Variants in RPS10 observed in about 807,000 individuals in gnomAD.
The protein encoded by RPS10 is small ribosomal subunit protein eS10.
RPS10 carries 2 observed loss-of-function variants against 22.6 expected under a neutral mutation model. The observed-to-expected ratio is 0.09, with a 90% CI of 0.04 to 0.28. The LOEUF (loss-of-function observed/expected upper bound fraction) is 0.28. RPS10 is among the 10% of genes least tolerant of loss of function. The pLI is 1.00. For synonymous variants in RPS10, 70 were observed against 75.9 expected (o/e 0.92, Z 0.40); for missense variants, 137 against 222.2 (o/e 0.62, Z 2.44).
chr6:34,419,289 G>A (rs1765683283), intron 4 of RPS10, among the ~76,000 whole-genome samples: 1 of 152,066 alleles, frequency 6.6e-6, no homozygotes, highest in Non-Finnish European at 1.5e-5. Context: ...GCCTCCTGAA[G>A]TGTTGGGATT....
chr6:34,425,052 C>T lies in RPS10; in HGVS notation c.150+20G>A. 1 of 1,612,216 alleles carries T rather than the reference C, an allele frequency of 6.2e-7. No individual in the cohort carries two copies. Among genetic ancestry groups the T allele is most frequent in the Non-Finnish European group, 8.5e-7 (1 of 1,179,914 alleles). ...TCCCGGGGAGGAAGATCCATCCCAT[C>T]TTCCTCCTCACCCTCCTACCTGCAT... On this transcript the variant is annotated intron_variant, in intron 2 of 5. Transcript: ENST00000648437.
At chr6:34,421,404 G>C (rs1811968) in intron 4 of RPS10, among the ~76,000 whole-genome samples, 1 of 151,296 alleles carries the variant, frequency 6.6e-6, no homozygotes, top group Non-Finnish European at 1.5e-5. Context: ...GGCTGGTCTC[G>C]AACTCCTGAC....
At position 34,425,407 on chromosome 6, in the gene RPS10, G is replaced by A. The variant is rs1016557435; in HGVS notation, c.1-186C>T. The A allele has an allele frequency of 1.6e-5, 11 of 700,602 alleles. No homozygotes were observed. The South Asian group carries it at 1.6e-4, about 10-fold the overall frequency. The allele number at this position is 700,602 out of a possible 1,614,324, so 43.4% of individuals were successfully genotyped here. A position where few individuals can be genotyped will look rare whatever the true frequency, so the allele number is the denominator to read the frequency against. ...AGTCCCCACCCCCAAACACAATTCAGGTGGAAAAGTTGACAGTATGTTAAA... is the reference window on the plus strand; with the variant it reads ...AGTCCCCACCCCCAAACACAATTCAAGTGGAAAAGTTGACAGTATGTTAAA... On this transcript the variant is annotated intron_variant, in intron 1 of 5. Coordinates refer to ENST00000648437, the MANE Select transcript of RPS10 (RefSeq NM_001014.5).
intron 1 of RPS10, 70 bp downstream of exon 1, chr6:34,425,962 G>A (rs1281708618): frequency 6.5e-6 from 1 of 152,850 alleles, no homozygotes; most frequent in African/African-American, 2.4e-5. Flanking sequence ...ATCCTGGGGA[G>A]AAGCAGCCGC....
Position 34,425,067 on chromosome 6 carries a change from C to T in RPS10, c.150+5G>A, listed in dbSNP as rs776616832. 8.1e-6 allele frequency: 13 copies of T among 1,612,234 alleles called. No homozygotes were observed. Among genetic ancestry groups the T allele is most frequent in the Middle Eastern group, 4.3e-4 (2 of 4,670 alleles). On this transcript the variant is annotated splice_donor_5th_base_variant and intron_variant, in intron 2 of 5. Coordinates refer to ENST00000648437, the MANE Select transcript of RPS10 (RefSeq NM_001014.5). ...TCCATCCCATCTTCCTCCTCACCCT[C>T]CTACCTGCATGGCCTTCATGACATG...
At chr6:34,420,725 G>C (rs1032585582) in intron 4 of RPS10, among the ~76,000 whole-genome samples, 1 of 151,972 alleles carries the variant, frequency 6.6e-6, no homozygotes, top group African/African-American at 2.4e-5. Context: ...GACTTTATCC[G>C]GGTGGGCGCG....
chr6:34,418,388 G>A lies in RPS10; in HGVS notation c.437C>T (p.Ser146Leu), dbSNP rs368791535. 10 of 1,614,170 alleles carry A rather than the reference G, an allele frequency of 6.2e-6. No individual in the cohort carries two copies. In the African/African-American group the frequency reaches 1.3e-4, roughly 22 times the overall value. The change falls in exon 5 of 6, where the codon TCA becomes TTA. Residue 146 changes from serine to leucine, a missense_variant. Physicochemically the swap from Ser to Leu is moderately radical, Grantham distance 145. Transcript: ENST00000648437. Reference sequence around the variant, plus strand: ...ACTCACAAACTGGAATTCGGTTGCTGACCCAGCCCCAGCCTCGGCTTTCTT... The same window carrying A: ...ACTCACAAACTGGAATTCGGTTGCTAACCCAGCCCCAGCCTCGGCTTTCTT... ...ADKKAEAGAG[S>L]ATEFQFRGGF... is the part of the protein sequence containing the mutation.
chr6:34,419,009 G>A (rs1044655131), intron 4 of RPS10, among the ~76,000 whole-genome samples: 3 of 151,792 alleles, frequency 2.0e-5, no homozygotes, highest in African/African-American at 4.9e-5. Flanking sequence ...ACTACAGGCA[G>A]CTAATTTTTA....
intron 3 of RPS10, among the ~76,000 whole-genome samples, chr6:34,422,659 A>G (rs1438533244): frequency 6.8e-6 from 1 of 147,844 alleles, no homozygotes; most frequent in Non-Finnish European, 1.5e-5. Flanking sequence ...GGGTTTTACC[A>G]TGTTAGACAG....
intron 4 of RPS10, among the ~76,000 whole-genome samples, chr6:34,420,757 A>G (rs1765733338): frequency 1.3e-5 from 2 of 152,060 alleles, no homozygotes; most frequent in African/African-American, 2.4e-5. Flanking sequence ...CTGTAATCCC[A>G]GCACTTTGGC....
At chr6:34,421,546 A>G (rs1482734736) in intron 4 of RPS10, among the ~76,000 whole-genome samples, 184 bp downstream of exon 4, 1 of 152,088 alleles carries the variant, frequency 6.6e-6, no homozygotes, top group East Asian at 1.9e-4. Flanking sequence ...CATCTATGAA[A>G]TCACTGCATG....
At chr6:34,418,289 C>T in intron 5 of RPS10, 80 bp downstream of exon 5, 2 of 1,609,646 alleles carry the variant, frequency 1.2e-6, no homozygotes, top group South Asian at 1.1e-5. Context: ...TACTATATGA[C>T]ATCCCCACAA....
At chr6:34,421,427 G>A (rs1211480807) in intron 4 of RPS10, among the ~76,000 whole-genome samples, 2 of 149,476 alleles carry the variant, frequency 1.3e-5, no homozygotes, top group Non-Finnish European at 3.0e-5. Context: ...CAAGTAATCT[G>A]CCCACTTCGA....
intron 3 of RPS10, among the ~76,000 whole-genome samples, chr6:34,422,309 CTTTATTA>C (rs772698693): frequency 3.1e-4 from 47 of 152,200 alleles, no homozygotes; most frequent in African/African-American, 5.5e-4. Context: ...AAGGCAGAAA[CTTTATTA>C]TTTATTATCT....
intron 1 of RPS10, 99 bp downstream of exon 1, chr6:34,425,931 GGA>G (rs1765947017): frequency 6.5e-6 from 1 of 152,858 alleles, no homozygotes; most frequent in African/African-American, 2.4e-5. Context: ...GTGGGGAGTG[GGA>G]GAGAGGCCCC....
intron 3 of RPS10, 92 bp downstream of exon 3, chr6:34,424,577 C>T (rs551758620): frequency 6.5e-7 from 1 of 1,545,696 alleles, no homozygotes; most frequent in East Asian, 2.4e-5. Flanking sequence ...GGCCAGAGCC[C>T]TCTAAAGCTG....
In RPS10 at chr6:34,420,671, C is replaced by G. The variant is rs571927602; in HGVS notation, c.400+1059G>C. Among the ~76,000 whole-genome samples, 5 of 152,220 alleles carry G rather than the reference C, an allele frequency of 3.3e-5. No individual in the cohort carries two copies. In the South Asian group the frequency reaches 1.0e-3, roughly 32 times the overall value. ...TAAGAGTGGTAGAAGTTAGTAAAAA[C>G]TCTTCTTGTACACCTTGCTTTTGTA... On this transcript the variant is annotated intron_variant, in intron 4 of 5. Transcript: ENST00000648437.
At chr6:34,424,004 A>C (rs535806795) in intron 3 of RPS10, among the ~76,000 whole-genome samples, 1 of 151,890 alleles carries the variant, frequency 6.6e-6, no homozygotes, top group East Asian at 1.9e-4. Context: ...GAATCTGCGC[A>C]TTTTTTCACC....
chr6:34,423,811 G>T (rs116737416), intron 3 of RPS10, among the ~76,000 whole-genome samples: 235 of 152,148 alleles, frequency 1.5e-3, no homozygotes, highest in African/African-American at 5.3e-3. Context: ...CCTCAGAGGT[G>T]GAAGTTGCAG....
Sources: gnomAD v4.1 joint callset for allele counts (sites outside exome capture counted in the v4.1 genomes callset) on GRCh38, gnomAD v4.1.1 for gene constraint, MANE v1.5 for transcripts, NCBI Gene and HGNC (gene_info 2026-07-23, HGNC 2026-07-21) for gene names.